Variants in USP47 observed in about 807,000 individuals in gnomAD.
The protein encoded by USP47 is ubiquitin specific peptidase 47.
A neutral mutation model predicts 165.1 loss-of-function variants in USP47; 35 were observed. The ratio of observed to expected loss-of-function variants is 0.21; its 90% confidence interval spans 0.16 to 0.28. The LOEUF is 0.28. Ranked by LOEUF, USP47 falls within the 10% of genes least tolerant of loss-of-function variation. The pLI, the probability that USP47 is intolerant of heterozygous loss-of-function variation, is 1.00. For missense variants in USP47, 1,277 were observed against 1,607.4 expected, an observed-to-expected ratio of 0.79 and a Z score of 3.52; for synonymous variants, 531 against 544.5, an observed-to-expected ratio of 0.98 and a Z score of 0.35.
At chr11:11,903,217 A>G (rs1365708070) in intron 6 of USP47, 46 bp from the exon 7 acceptor site, 1 of 1,550,860 alleles carries the variant, frequency 6.4e-7, no homozygotes. Context: ...TTGTTTCATT[A>G]CATAAAGTTT....
At chr11:11,928,436 CAGTTT>C (rs546462649) in intron 11 of USP47, among the ~76,000 whole-genome samples, 63 of 152,034 alleles carry the variant, frequency 4.1e-4, no homozygotes, top group African/African-American at 1.4e-3. Context: ...ATATTGTGGT[CAGTTT>C]AAAGTTATTT....
chr11:11,881,335 CTT>C (rs1347397620), intron 2 of USP47, among the ~76,000 whole-genome samples: 1 of 152,114 alleles, frequency 6.6e-6, no homozygotes, highest in Admixed American at 6.6e-5. Flanking sequence ...AGTGCCCACT[CTT>C]TACCCTGACA....
chr11:11,877,528 T>C (rs1850515163), intron 1 of USP47, among the ~76,000 whole-genome samples: 1 of 152,194 alleles, frequency 6.6e-6, no homozygotes, highest in South Asian at 2.1e-4. Context: ...TGAAGTTTTA[T>C]GTAGGTGTTC....
At position 11,922,898 on chromosome 11, in the gene USP47, T is replaced by G. The variant is rs1273228596; in HGVS notation, c.1386+7T>G. ...AAAATCTGGACTTGAAAAGGTACCTTTTATAGTTTGCATTTTTTAGTTGAA... is the reference window on the plus strand; with the variant it reads ...AAAATCTGGACTTGAAAAGGTACCTGTTATAGTTTGCATTTTTTAGTTGAA... On this transcript the variant is annotated splice_region_variant and intron_variant, in intron 11 of 27. Transcript: ENST00000527733. 6.2e-7 allele frequency: 1 copy of G among 1,606,428 alleles called. No homozygotes were observed. The highest frequency in any genetic ancestry group is 1.7e-5 in the Admixed American group (1 of 58,936).
chr11:11,887,021 C>T (rs139339167), intron 3 of USP47, among the ~76,000 whole-genome samples: 130 of 152,192 alleles, frequency 8.5e-4, no homozygotes, highest in African/African-American at 2.9e-3. Context: ...CCTTTTCAGA[C>T]GAGCAAATGC....
intron 11 of USP47, among the ~76,000 whole-genome samples, chr11:11,926,182 G>T (rs1854227652): frequency 6.6e-6 from 1 of 152,172 alleles, no homozygotes. Context: ...TGGTATCAAA[G>T]TCACGCTGAC....
chr11:11,846,448 A>G (rs529123036), intron 1 of USP47, among the ~76,000 whole-genome samples: 2 of 152,270 alleles, frequency 1.3e-5, no homozygotes, highest in East Asian at 3.9e-4. Flanking sequence ...AGTAGTGCTC[A>G]TGGACTCTAA....
intron 8 of USP47, among the ~76,000 whole-genome samples, chr11:11,918,623 G>GTT (rs1853598770): frequency 6.6e-6 from 1 of 151,986 alleles, no homozygotes. Flanking sequence ...TGGCAAAAAT[G>GTT]TTTAAAAGTT....
intron 1 of USP47, among the ~76,000 whole-genome samples, chr11:11,861,400 C>T (rs1849378488): frequency 6.6e-6 from 1 of 152,098 alleles, no homozygotes; most frequent in African/African-American, 2.4e-5. Flanking sequence ...CCGGCCCCAT[C>T]CAACTTTGAA....
At chr11:11,952,625 C>G in intron 24 of USP47, 116 bp from the exon 25 acceptor site, 1 of 1,236,476 alleles carries the variant, frequency 8.1e-7, no homozygotes, top group Admixed American at 2.9e-5. Flanking sequence ...CTTGTGCCCA[C>G]TTTTTAAGAG....
chr11:11,853,686 C>G (rs1158573143), intron 1 of USP47, among the ~76,000 whole-genome samples: 4 of 152,140 alleles, frequency 2.6e-5, no homozygotes, highest in African/African-American at 9.7e-5. Flanking sequence ...CTGAAACATG[C>G]ATACATAAAG....
intron 1 of USP47, among the ~76,000 whole-genome samples, chr11:11,879,119 G>A (rs934439729): frequency 5.3e-5 from 8 of 152,088 alleles, no homozygotes; most frequent in South Asian, 2.1e-4. Context: ...AATACTATTC[G>A]GGGTTGAAGG....
intron 1 of USP47, among the ~76,000 whole-genome samples, chr11:11,860,535 T>G (rs1437499354): frequency 6.6e-6 from 1 of 152,214 alleles, no homozygotes; most frequent in Non-Finnish European, 1.5e-5. Flanking sequence ...GAATGTAATA[T>G]TCTTAAGAAT....
intron 3 of USP47, 58 bp from the exon 4 acceptor site, chr11:11,891,910 T>A (rs142488133): frequency 6.4e-7 from 1 of 1,568,426 alleles, no homozygotes; most frequent in South Asian, 1.2e-5. Context: ...AAATGGTGAA[T>A]GCTGTTGTTT....
At chr11:11,911,491 A>G (rs1399051891) in intron 8 of USP47, among the ~76,000 whole-genome samples, 1 of 152,202 alleles carries the variant, frequency 6.6e-6, no homozygotes, top group Non-Finnish European at 1.5e-5. Context: ...ACTTTAGAGC[A>G]AAGAAAATTA....
At chr11:11,870,072 C>CT (rs148865834) in intron 1 of USP47, among the ~76,000 whole-genome samples, 30,395 of 147,110 alleles carry the variant, frequency 0.21, 3,420 homozygotes, top group Admixed American at 0.36. Flanking sequence ...TTTTCTGTTT[C>CT]TTTTTTTTTT....
chr11:11,923,034 T>G, intron 11 of USP47, 143 bp downstream of exon 11: 1 of 259,074 alleles, frequency 3.9e-6, no homozygotes, highest in Non-Finnish European at 6.9e-6. Flanking sequence ...AATATAGTTT[T>G]TTTGTACATA....
Position 11,851,348 on chromosome 11 carries a change from G to C in USP47, c.39+9124G>C, listed in dbSNP as rs141603485. Among the ~76,000 whole-genome samples the C allele has an allele frequency of 6.7e-3, 1,018 of 152,292 alleles. 13 individuals carry two copies. Among genetic ancestry groups the C allele is most frequent in the African/African-American group, 0.023 (975 of 41,564 alleles). On this transcript the variant is annotated intron_variant, in intron 1 of 27. Transcript: ENST00000527733. The stretch of plus-strand genomic sequence containing the variant: ...TTTTATCAGAAAGGGTTGAAGAGTA[G>C]AAGAGGAGGTCTGGGGATTTTCACT...
intron 17 of USP47, 90 bp from the exon 18 acceptor site, chr11:11,938,167 C>T: frequency 9.3e-7 from 1 of 1,079,864 alleles, no homozygotes; most frequent in Non-Finnish European, 1.4e-6. Flanking sequence ...GATTTGTCAC[C>T]TGTTAGAAAC....
Sources: gnomAD v4.1 joint callset for allele counts (sites outside exome capture counted in the v4.1 genomes callset) on GRCh38, gnomAD v4.1.1 for gene constraint, MANE v1.5 for transcripts, NCBI Gene and HGNC (gene_info 2026-07-23, HGNC 2026-07-21) for gene names.